The following SLC22A25 variants were observed in gnomAD, a reference collection of about 807,000 sequenced individuals.
SLC22A25 encodes the protein solute carrier family 22 member 25, also known as MGI:2442751, MGI:2385316, MGI:3042283, MGI:3645714, MGI:3605624, MGI:2442750.
A neutral mutation model predicts 45.9 loss-of-function variants in SLC22A25; 44 were observed. That is an observed-to-expected ratio of 0.96 (90% CI 0.75 to 1.23). SLC22A25 has a LOEUF of 1.23. Among genes scored for constraint, SLC22A25 ranks in the 50% most tolerant of loss-of-function variants. The pLI is 0.00. For synonymous variants in SLC22A25, 283 were observed against 238.6 expected, an observed-to-expected ratio of 1.19 and a Z score of -1.72; for missense variants, 800 against 666.4, an observed-to-expected ratio of 1.20 and a Z score of -2.21.
At position 63,163,780 on chromosome 11, in the gene SLC22A25, G is replaced by C; in HGVS notation, c.*44C>G. On this transcript the variant is annotated 3_prime_UTR_variant, in exon 12 of 12. Coordinates refer to ENST00000306494, the MANE Select transcript of SLC22A25 (RefSeq NM_199352.6). Reference sequence around the variant, plus strand: ...ATAGCCCAGATCTAAGCCTTTTTGGGGGATGGTAGCCCTAAATGGTGTTTT... The same window carrying C: ...ATAGCCCAGATCTAAGCCTTTTTGGCGGATGGTAGCCCTAAATGGTGTTTT... 6.4e-7 allele frequency: 1 copy of C among 1,562,126 alleles called. No homozygotes were observed. Among genetic ancestry groups the C allele is most frequent in the Non-Finnish European group, 8.6e-7 (1 of 1,157,274 alleles).
At chr11:63,192,811 A>C (rs561750566) in intron 7 of SLC22A25, among the ~76,000 whole-genome samples, 1 of 152,364 alleles carries the variant, frequency 6.6e-6, no homozygotes, top group South Asian at 2.1e-4. Flanking sequence ...TATGCATCCA[A>C]TGCAGGAGTA....
At chr11:63,230,619 A>G (rs1177501954) in intron 3 of SLC22A25, among the ~76,000 whole-genome samples, 1 of 152,230 alleles carries the variant, frequency 6.6e-6, no homozygotes, top group African/African-American at 2.4e-5. Flanking sequence ...TAATTCATTT[A>G]CCATACAGTT....
intron 7 of SLC22A25, among the ~76,000 whole-genome samples, chr11:63,186,946 A>G (rs2088577011): frequency 6.6e-6 from 1 of 152,266 alleles, no homozygotes; most frequent in Admixed American, 6.5e-5. Flanking sequence ...TGGTGACTGT[A>G]GCCTTGTAGT....
In SLC22A25 at chr11:63,159,082, G is replaced by A. The variant is rs552040041; in HGVS notation, c.*4742C>T. ...CCATCCATGTTGCTGCAAATGACAGGATCTCATTCTTTATTTTATGGCTGA... is the reference window on the plus strand; with the variant it reads ...CCATCCATGTTGCTGCAAATGACAGAATCTCATTCTTTATTTTATGGCTGA... On this transcript the variant is annotated 3_prime_UTR_variant, in exon 12 of 12. Transcript: ENST00000306494. Among the ~76,000 whole-genome samples the A allele has an allele frequency of 3.2e-4, 48 of 152,204 alleles. No individual in the cohort carries two copies. Among genetic ancestry groups the A allele is most frequent in the African/African-American group, 9.9e-4 (41 of 41,522 alleles).
chr11:63,171,180 T>TG (rs2087870405), intron 9 of SLC22A25, among the ~76,000 whole-genome samples: 1 of 152,122 alleles, frequency 6.6e-6, no homozygotes, highest in Non-Finnish European at 1.5e-5. Context: ...TAAGAGCTAT[T>TG]TATGACAAAC....
At chr11:63,166,483 G>T in intron 9 of SLC22A25, 1 of 1,370,840 alleles carries the variant, frequency 7.3e-7, no homozygotes, top group Non-Finnish European at 9.4e-7. Context: ...GTTGTATGGA[G>T]GATGTGCTAT....
At chr11:63,174,318 G>A (rs1417771401) in intron 9 of SLC22A25, among the ~76,000 whole-genome samples, 10 of 152,032 alleles carry the variant, frequency 6.6e-5, no homozygotes, top group African/African-American at 2.4e-4. Context: ...ATTTTCTCTA[G>A]GATAGCAATG....
At chr11:63,237,523 A>G (rs1293955302) in intron 3 of SLC22A25, among the ~76,000 whole-genome samples, 2 of 152,110 alleles carry the variant, frequency 1.3e-5, no homozygotes, top group Non-Finnish European at 2.9e-5. Context: ...AAACTCTTGG[A>G]CTTCCAAGCC....
intron 7 of SLC22A25, among the ~76,000 whole-genome samples, chr11:63,203,134 C>T (rs1319433693): frequency 6.6e-6 from 1 of 152,062 alleles, no homozygotes; most frequent in African/African-American, 2.4e-5. Context: ...AGTACAATCA[C>T]ACAAAAACCC....
At chr11:63,202,626 G>A (rs1022745509) in intron 7 of SLC22A25, among the ~76,000 whole-genome samples, 15 of 152,306 alleles carry the variant, frequency 9.8e-5, no homozygotes, top group African/African-American at 3.6e-4. Flanking sequence ...TCTGGGCAGG[G>A]CATCTCTAAA....
At chr11:63,179,049 C>A (rs995879370) in intron 9 of SLC22A25, among the ~76,000 whole-genome samples, 1 of 152,040 alleles carries the variant, frequency 6.6e-6, no homozygotes, top group Non-Finnish European at 1.5e-5. Flanking sequence ...GCAACCTCCA[C>A]TTCGTGGGTT....
chr11:63,210,037 C>G (rs1195252067), intron 7 of SLC22A25, among the ~76,000 whole-genome samples: 1 of 152,192 alleles, frequency 6.6e-6, no homozygotes, highest in Non-Finnish European at 1.5e-5. Flanking sequence ...AGTAAAATAT[C>G]AGAAGTGTGC....
At chr11:63,195,896 C>T (rs190684278) in intron 7 of SLC22A25, among the ~76,000 whole-genome samples, 140 of 152,092 alleles carry the variant, frequency 9.2e-4, no homozygotes, top group African/African-American at 2.7e-3. Context: ...ATCAAATAGA[C>T]GCAATAAAAA....
intron 7 of SLC22A25, among the ~76,000 whole-genome samples, chr11:63,189,867 T>C (rs1346287292): frequency 1.3e-5 from 2 of 152,220 alleles, no homozygotes; most frequent in Non-Finnish European, 2.9e-5. Flanking sequence ...ACGTTGAATA[T>C]TGGCCCCCAC....
chr11:63,191,885 C>G (rs1046066596), intron 7 of SLC22A25, among the ~76,000 whole-genome samples: 1 of 152,184 alleles, frequency 6.6e-6, no homozygotes, highest in African/African-American at 2.4e-5. Context: ...ATGGAACCAA[C>G]TTGGAGATCA....
In SLC22A25 at chr11:63,163,290, C is replaced by G. The variant is rs978458805; in HGVS notation, c.*534G>C. Among the ~76,000 whole-genome samples, 2 of 152,182 alleles carry G rather than the reference C, an allele frequency of 1.3e-5. No individual in the cohort carries two copies. The highest frequency in any genetic ancestry group is 4.8e-5 in the African/African-American group (2 of 41,442). Reference sequence around the variant, plus strand: ...CTCATTCTTCATTACTTAAAAAATTCCTTTACTTATCACTTCTTTTCCCCT... The same window carrying G: ...CTCATTCTTCATTACTTAAAAAATTGCTTTACTTATCACTTCTTTTCCCCT... On this transcript the variant is annotated 3_prime_UTR_variant, in exon 12 of 12. Transcript: ENST00000306494.
chr11:63,192,604 C>G (rs958198414), intron 7 of SLC22A25, among the ~76,000 whole-genome samples: 10 of 152,090 alleles, frequency 6.6e-5, no homozygotes, highest in African/African-American at 2.2e-4. Flanking sequence ...ATCTCACATG[C>G]AATAGCACAC....
At chr11:63,178,763 T>G (rs1430594545) in intron 9 of SLC22A25, among the ~76,000 whole-genome samples, 1 of 152,152 alleles carries the variant, frequency 6.6e-6, no homozygotes, top group Non-Finnish European at 1.5e-5. Context: ...GTAGGTTGTT[T>G]CTCCACTTTG....
intron 1 of SLC22A25, among the ~76,000 whole-genome samples, chr11:63,241,633 A>G (rs375690517): frequency 3.3e-5 from 5 of 152,196 alleles, no homozygotes; most frequent in African/African-American, 9.6e-5. Flanking sequence ...ATGCATTGAG[A>G]GGGTTAACAG....
Sources: gnomAD v4.1 joint callset for allele counts (sites outside exome capture counted in the v4.1 genomes callset) on GRCh38, gnomAD v4.1.1 for gene constraint, MANE v1.5 for transcripts, NCBI Gene and HGNC (gene_info 2026-07-23, HGNC 2026-07-21) for gene names.